TCF3: variants seen among roughly 807,000 people sequenced by gnomAD.
TCF3 encodes transcription factor 3, also known as transcription factor E2-alpha.
Under a neutral mutation model 72.3 loss-of-function variants are expected in TCF3, and 54 were observed. The ratio of observed to expected loss-of-function variants is 0.75; its 90% CI spans 0.60 to 0.94. The LOEUF (loss-of-function observed/expected upper bound fraction) is 0.94, where lower values mean the gene tolerates loss of function less well. Ranked by LOEUF, TCF3 falls within the 40% of genes least tolerant of loss-of-function variation. TCF3 has a pLI of 0.00. For missense variants in TCF3, 1,078 were observed against 934.4 expected (o/e 1.15, Z -2.00); for synonymous variants, 525 against 412.6 (o/e 1.27, Z -3.30).
Position 1,619,361 on chromosome 19 carries a change from T to G in TCF3, c.1281A>C (p.Ser427=). 6.3e-7 allele frequency: 1 copy of G among 1,587,002 alleles called. No homozygotes were observed. Among genetic ancestry groups the G allele is most frequent in the Non-Finnish European group, 8.5e-7 (1 of 1,173,482 alleles). The change falls in exon 15 of 19, where the codon TCA becomes TCC. Residue 427 remains serine, a synonymous_variant. Coordinates refer to ENST00000262965, the MANE Select transcript of TCF3 (RefSeq NM_003200.5). ...TLLPGHGALA[S]GFTGPMSLGG... is the part of the protein sequence containing the mutation. ...CCAGTGACATGGGGCCGGTGAAACC[T>G]GAGGCCAGCGCCCCGTGGCCAGGCA...
Position 1,609,376 on chromosome 19 carries a change from A to G in TCF3, c.*2331T>C, listed in dbSNP as rs1465446410. On this transcript the variant is annotated 3_prime_UTR_variant, in exon 19 of 19. Coordinates refer to ENST00000262965, the MANE Select transcript of TCF3 (RefSeq NM_003200.5). ...AATCCACCTGAAAGAGGGTCGTTTT[A>G]AAGTCCCAATCATCCAGCCAGCTGT... The G allele has an allele frequency of 4.9e-6, 1 of 203,458 alleles. No homozygotes were observed. Among genetic ancestry groups the G allele is most frequent in the East Asian group, 7.5e-5 (1 of 13,356 alleles). The allele number at this position is 203,458 out of a possible 1,614,324, so 12.6% of individuals were successfully genotyped here. A position where few individuals can be genotyped will look rare whatever the true frequency, so the allele number is the denominator to read the frequency against.
intron 16 of TCF3, among the ~76,000 whole-genome samples, chr19:1,617,611 T>G (rs2061686161): frequency 1.3e-5 from 2 of 152,066 alleles, no homozygotes; most frequent in African/African-American, 4.8e-5. Context: ...GCCTCAGAAA[T>G]GCACCCGCTC....
rs913768837 is a variant in TCF3, at chr19:1,610,934, G to A, written c.*773C>T. 4.4e-5 allele frequency: 9 copies of A among 205,794 alleles called. No individual in the cohort carries two copies. Among genetic ancestry groups the A allele is most frequent in the African/African-American group, 1.9e-4 (8 of 43,096 alleles). 12.7% of individuals were successfully genotyped at this position (205,794 alleles called of 1,614,324 possible). A position where few individuals can be genotyped will look rare whatever the true frequency, so the allele number is the denominator to read the frequency against. Reference sequence around the variant, plus strand: ...GTGTGCAGTGGCTTCCGGGGGGGGGGGGGGACGGGGGGGCTCAGGTTTACA... The same window carrying A: ...GTGTGCAGTGGCTTCCGGGGGGGGGAGGGGACGGGGGGGCTCAGGTTTACA... On this transcript the variant is annotated 3_prime_UTR_variant, in exon 19 of 19. Coordinates refer to ENST00000262965, the MANE Select transcript of TCF3 (RefSeq NM_003200.5).
At position 1,615,593 on chromosome 19, in the gene TCF3, G is replaced by A. The variant is rs544599787; in HGVS notation, c.1587-73C>T. On this transcript the variant is annotated intron_variant, in intron 17 of 18. Transcript: ENST00000262965. This position sits in a 1 kb window ranked among gnomAD's most constrained non-coding sequence, Gnocchi z 7.3. ...GGGGAAGAGCGTGGGGCCCGCCGAC[G>A]GCCTCCCAGTGTGGGTGCGGTGTGC... The A allele has an allele frequency of 2.0e-5, 32 of 1,607,156 alleles. No individual in the cohort carries two copies. Among genetic ancestry groups the A allele is most frequent in the African/African-American group, 4.0e-5 (3 of 75,004 alleles).
At chr19:1,623,844 C>T in intron 8 of TCF3, 107 bp downstream of exon 8, 4 of 1,131,006 alleles carry the variant, frequency 3.5e-6, no homozygotes, top group Non-Finnish European at 5.1e-6. Context: ...GGGGGCCTGT[C>T]CACTCAGGGC....
chr19:1,649,251 C>G (rs1222434204), intron 2 of TCF3, among the ~76,000 whole-genome samples: 1 of 152,246 alleles, frequency 6.6e-6, no homozygotes, highest in East Asian at 1.9e-4. Context: ...CCTCCTGGCC[C>G]AAGCTCGGCT....
At chr19:1,640,746 G>A (rs896485741) in intron 3 of TCF3, among the ~76,000 whole-genome samples, 5 of 151,938 alleles carry the variant, frequency 3.3e-5, no homozygotes, top group Non-Finnish European at 5.9e-5. Context: ...GGAGCTTGCA[G>A]TGAGCTGAGA....
chr19:1,636,164 T>C (rs957316871), intron 3 of TCF3, among the ~76,000 whole-genome samples: 1 of 148,752 alleles, frequency 6.7e-6, no homozygotes, highest in Admixed American at 6.7e-5. Context: ...TTTAAAAAAT[T>C]TTTTTTTTCT....
chr19:1,642,781 G>T (rs554503356), intron 3 of TCF3, among the ~76,000 whole-genome samples: 1 of 152,020 alleles, frequency 6.6e-6, no homozygotes, highest in African/African-American at 2.4e-5. Context: ...CACAAGGGAC[G>T]CTTTCAATGT....
intron 3 of TCF3, among the ~76,000 whole-genome samples, chr19:1,635,029 G>C (rs192310187): frequency 1.3e-5 from 2 of 152,142 alleles, no homozygotes; most frequent in Non-Finnish European, 2.9e-5. Flanking sequence ...AAACCCAATC[G>C]ACAGACTTCA....
chr19:1,629,852 G>A (rs1374645211), intron 5 of TCF3, among the ~76,000 whole-genome samples: 2 of 152,214 alleles, frequency 1.3e-5, no homozygotes, highest in African/African-American at 4.8e-5. Context: ...AAATGCTGCT[G>A]TTTTTTGCCT....
intron 13 of TCF3, among the ~76,000 whole-genome samples, chr19:1,620,732 A>G (rs187226038): frequency 1.3e-4 from 20 of 152,198 alleles, no homozygotes; most frequent in Admixed American, 9.8e-4. Flanking sequence ...GCTTTCCTGG[A>G]TTGCCCAGTG....
At position 1,611,776 on chromosome 19, in the gene TCF3, G is replaced by C. The variant is rs753495128; in HGVS notation, c.1896C>G (p.Asp632Glu). The change falls in exon 19 of 19, where the codon GAC (aspartate) becomes GAG (glutamate). Residue 632 changes from aspartate to glutamate, a missense_variant. Coordinates refer to ENST00000262965, the MANE Select transcript of TCF3 (RefSeq NM_003200.5). ...EEEKVSGVVG[D>E]PQMVLSAPHP... is the part of the protein sequence containing the mutation. ...GGGGAGCTGAAAGCACCATCTGGGGGTCTCCAACCACACCTGACACCTTTT... is the reference window on the plus strand; with the variant it reads ...GGGGAGCTGAAAGCACCATCTGGGGCTCTCCAACCACACCTGACACCTTTT... The C allele has an allele frequency of 6.2e-7, 1 of 1,613,590 alleles. No homozygotes were observed. Among genetic ancestry groups the C allele is most frequent in the Non-Finnish European group, 8.5e-7 (1 of 1,179,968 alleles).
chr19:1,625,550 C>T (rs774510090), intron 7 of TCF3, 26 bp downstream of exon 7: 55 of 1,544,422 alleles, frequency 3.6e-5, no homozygotes, highest in Middle Eastern at 4.6e-4. Context: ...CAGAAGCCCC[C>T]GATGCCCCGG....
chr19:1,630,132 C>T (rs1302715037), intron 5 of TCF3, among the ~76,000 whole-genome samples: 1 of 152,192 alleles, frequency 6.6e-6, no homozygotes, highest in Non-Finnish European at 1.5e-5. Context: ...CTGGCCGGGC[C>T]GTGGGAACTG....
chr19:1,631,363 G>T (rs1187479238), intron 5 of TCF3, among the ~76,000 whole-genome samples: 1 of 151,976 alleles, frequency 6.6e-6, no homozygotes, highest in Non-Finnish European at 1.5e-5. Flanking sequence ...CCACCTCCTG[G>T]GTTCAAGCAA....
At chr19:1,639,904 A>G (rs1027866313) in intron 3 of TCF3, among the ~76,000 whole-genome samples, 2 of 152,184 alleles carry the variant, frequency 1.3e-5, no homozygotes, top group African/African-American at 4.8e-5. Context: ...GGGGCCTGTG[A>G]TCTGAAAGTC....
chr19:1,619,826 G>T lies in TCF3; in HGVS notation c.1121C>A (p.Ala374Asp), dbSNP rs753137385. The change falls in exon 14 of 19, where the codon GCC becomes GAC. Residue 374 changes from alanine (A) to aspartate (D), a missense_variant. Ala to Asp is a moderately radical substitution (Grantham distance 126). Transcript: ENST00000262965. ...AGTSQWPRAG[A>D]PGALSPSYDG... ...GTAGCTGGGCGATAAGGCACCGGGG[G>T]CTCCTGCTCGAGGCCACTGTGACGT... 6 of 1,578,184 alleles carry T rather than the reference G, an allele frequency of 3.8e-6. No homozygotes were observed. The highest frequency in any genetic ancestry group is 4.3e-6 in the Non-Finnish European group (5 of 1,162,988).
At chr19:1,625,464 G>A in intron 7 of TCF3, 112 bp downstream of exon 7, 2 of 1,302,822 alleles carry the variant, frequency 1.5e-6, no homozygotes, top group Non-Finnish European at 2.0e-6. Flanking sequence ...GCCAGGACCT[G>A]GAAGGTGCGG....
Sources: allele counts gnomAD v4.1 joint callset (sites outside exome capture counted in the v4.1 genomes callset), GRCh38; gene constraint gnomAD v4.1.1; non-coding constraint Gnocchi (gnomAD v3.1); transcripts MANE v1.5; gene names NCBI Gene and HGNC (gene_info 2026-07-23, HGNC 2026-07-21).